Variants in MAPK10 observed in about 807,000 individuals in gnomAD.
The protein encoded by MAPK10 is JNK3 alpha protein kinase.
In MAPK10, 25 loss-of-function variants were observed where a neutral mutation model predicts 59.3. The observed-to-expected ratio is 0.42, with a 90% CI of 0.31 to 0.59. MAPK10 has a LOEUF of 0.59. Ranked by LOEUF, MAPK10 falls within the 20% of genes least tolerant of loss-of-function variation. MAPK10 has a pLI of 0.15. For missense variants in MAPK10, 351 were observed against 568.9 expected (o/e 0.62, Z 3.90); for synonymous variants, 190 against 200.5 (o/e 0.95, Z 0.44).
chr4:86,247,773 G>A (rs2093191464), intron 2 of MAPK10, among the ~76,000 whole-genome samples: 1 of 152,136 alleles, frequency 6.6e-6, no homozygotes. Flanking sequence ...CTTGAAAGAT[G>A]ACTAGGAGAT....
chr4:86,589,828 C>CA (rs141547116), intron 1 of MAPK10, among the ~76,000 whole-genome samples: 7,069 of 149,546 alleles, frequency 0.047, 221 homozygotes, highest in African/African-American at 0.062. Flanking sequence ...ACTAAAAATA[C>CA]AAAAAATTAG....
intron 1 of MAPK10, chr4:86,384,156 G>T (rs770923994): frequency 6.6e-6 from 1 of 152,152 alleles, no homozygotes; most frequent in African/African-American, 2.4e-5. Context: ...AAGTAGCTTT[G>T]ATGTTTTCAT....
intron 3 of MAPK10, chr4:86,192,478 T>G (rs746194182): frequency 1.3e-5 from 2 of 151,938 alleles, no homozygotes; most frequent in Non-Finnish European, 2.9e-5. Flanking sequence ...TCTTTTTCAT[T>G]CTTTTTTCTC....
chr4:86,445,954 C>T (rs1295813496), intron 1 of MAPK10, among the ~76,000 whole-genome samples: 3 of 151,988 alleles, frequency 2.0e-5, no homozygotes, highest in Admixed American at 6.6e-5. Context: ...AATAAAGGAA[C>T]AGGTAAAGGT....
intron 2 of MAPK10, among the ~76,000 whole-genome samples, chr4:86,236,282 T>C (rs967900231): frequency 6.6e-5 from 10 of 152,190 alleles, no homozygotes; most frequent in African/African-American, 2.4e-4. Context: ...TCACATAATA[T>C]AACATATTCA....
At chr4:86,296,253 G>T (rs2095360366) in intron 2 of MAPK10, among the ~76,000 whole-genome samples, 1 of 151,570 alleles carries the variant, frequency 6.6e-6, no homozygotes, top group Non-Finnish European at 1.5e-5. Context: ...TGTTCCTAAA[G>T]ACTGGTTAAG....
intron 1 of MAPK10, among the ~76,000 whole-genome samples, chr4:86,586,068 A>C (rs1762630515): frequency 6.6e-6 from 1 of 152,194 alleles, no homozygotes. Flanking sequence ...ATGAACCCTA[A>C]GGCAAGTCCC....
rs1251722983 is a variant in MAPK10, at chr4:86,471,272, CT to C, written c.-262-116629del. Among the ~76,000 whole-genome samples, 4 of 117,700 alleles carry C rather than the reference CT, an allele frequency of 3.4e-5. No individual in the cohort carries two copies. In the Admixed American group the frequency reaches 3.6e-4, roughly 11 times the overall value. The allele number at this position is 117,700 out of a possible 152,430, so 77.2% of individuals were successfully genotyped here. On this transcript the variant is annotated intron_variant, in intron 1 of 4. Coordinates refer to the MAPK10 transcript ENST00000502302. ...CGACACAGCAAGACTCTGTGCCCCC[CT>C]GCAAAAAAAAAAAAAAAAAAAAGAA...
chr4:86,530,421 C>T (rs926044548), intron 1 of MAPK10, among the ~76,000 whole-genome samples: 1 of 152,120 alleles, frequency 6.6e-6, no homozygotes, highest in African/African-American at 2.4e-5. Flanking sequence ...AGCAATTACC[C>T]ATGTCACCAA....
intron 4 of MAPK10, among the ~76,000 whole-genome samples, chr4:86,142,760 G>T (rs544730608): frequency 6.6e-6 from 1 of 152,178 alleles, no homozygotes; most frequent in Admixed American, 6.5e-5. Flanking sequence ...ATCCAGAAAT[G>T]GAAGATTTGC....
At position 86,101,993 on chromosome 4, in the gene MAPK10, T is replaced by C; in HGVS notation, c.465A>G (p.Gln155=). 1 of 1,614,020 alleles carries C rather than the reference T, an allele frequency of 6.2e-7. No individual in the cohort carries two copies. Among genetic ancestry groups the C allele is most frequent in the Non-Finnish European group, 8.5e-7 (1 of 1,179,884 alleles). ...VMELMDANLC[Q]VIQMELDHER... is the part of the protein sequence containing the mutation. ...CATGGTCTAATTCCATCTGAATCACTTGACATAAGTTGGCATCCATCAGTT... is the reference window on the plus strand; with the variant it reads ...CATGGTCTAATTCCATCTGAATCACCTGACATAAGTTGGCATCCATCAGTT... Residue 155 remains glutamine (Q), a synonymous_variant, in exon 7 of 14, where the codon CAA becomes CAG. Transcript: ENST00000641462.
intron 3 of MAPK10, among the ~76,000 whole-genome samples, chr4:86,174,749 G>C (rs1302169705): frequency 6.6e-6 from 1 of 152,136 alleles, no homozygotes; most frequent in Non-Finnish European, 1.5e-5. Flanking sequence ...ATTGGAATTT[G>C]AATGACAGGA....
At chr4:86,350,218 A>T (rs1730502838) in intron 2 of MAPK10, among the ~76,000 whole-genome samples, 2 of 134,050 alleles carry the variant, frequency 1.5e-5, no homozygotes, top group South Asian at 4.7e-4. Context: ...TGTCCAGATA[A>T]TTTTTTTTTT....
chr4:86,448,050 C>T (rs1449016103), intron 1 of MAPK10, among the ~76,000 whole-genome samples: 4 of 152,184 alleles, frequency 2.6e-5, no homozygotes, highest in Non-Finnish European at 5.9e-5. Context: ...TCCTATCTCA[C>T]ACAGTTTTTG....
chr4:86,109,678 T>C (rs992457311), intron 4 of MAPK10, among the ~76,000 whole-genome samples: 10 of 152,232 alleles, frequency 6.6e-5, no homozygotes, highest in African/African-American at 1.4e-4. Context: ...CTATCGTGCA[T>C]AGCGCTGCAA....
At chr4:86,537,689 T>C (rs1340980203) in intron 1 of MAPK10, among the ~76,000 whole-genome samples, 2 of 152,196 alleles carry the variant, frequency 1.3e-5, no homozygotes, top group East Asian at 3.8e-4. Flanking sequence ...TTGTGTTATA[T>C]TGCTTTTTGA....
intron 11 of MAPK10, among the ~76,000 whole-genome samples, chr4:86,041,861 G>C (rs2148941100): frequency 6.6e-6 from 1 of 152,320 alleles, no homozygotes; most frequent in East Asian, 1.9e-4. Flanking sequence ...CTTTTACACT[G>C]TTGCTGGGAG....
chr4:86,562,971 T>C (rs1401515280), intron 1 of MAPK10, among the ~76,000 whole-genome samples: 1 of 152,218 alleles, frequency 6.6e-6, no homozygotes, highest in Non-Finnish European at 1.5e-5. Flanking sequence ...TTAAGCTCCT[T>C]CTTTGTATAA....
Position 86,064,189 on chromosome 4 carries a change from G to C in MAPK10, c.1110+77C>G, listed in dbSNP as rs1382741320. On this transcript the variant is annotated intron_variant, in intron 11 of 13. Transcript: ENST00000641462. ...TAAAAATCCATTGTGCATTCTTTAG[G>C]CTTCTAGTCCTATTCAGTTTTTGCT... The C allele has an allele frequency of 3.9e-6, 6 of 1,534,968 alleles. No homozygotes were observed. The South Asian group carries it at 6.0e-5, about 15-fold the overall frequency.
Sources: gnomAD v4.1 joint callset for allele counts (sites outside exome capture counted in the v4.1 genomes callset) on GRCh38, gnomAD v4.1.1 for gene constraint, MANE v1.5 for transcripts, NCBI Gene and HGNC (gene_info 2026-07-23, HGNC 2026-07-21) for gene names.